Variants in PRKCH observed in about 807,000 individuals in gnomAD.
PRKCH encodes the protein protein kinase C eta, also known as protein kinase C eta type.
A neutral mutation model predicts 82.5 loss-of-function variants in PRKCH; 28 were observed. That is an observed-to-expected ratio of 0.34 (90% CI 0.25 to 0.47). The LOEUF is 0.47. Among genes scored for constraint, PRKCH ranks in the 20% least tolerant of loss-of-function variants. The pLI is 1.00. For missense variants in PRKCH, 705 were observed against 881.8 expected (o/e 0.80, Z 2.54); for synonymous variants, 322 against 327.4 (o/e 0.98, Z 0.18).
chr14:61,302,344 A>T (rs188448851), intron 1 of PRKCH, among the ~76,000 whole-genome samples: 18 of 152,322 alleles, frequency 1.2e-4, no homozygotes, highest in Non-Finnish European at 2.9e-5. Flanking sequence ...CAGGACTTAC[A>T]TGCCTTTCTT....
intron 1 of PRKCH, among the ~76,000 whole-genome samples, chr14:61,286,686 GAA>G (rs1566807610): frequency 1.3e-5 from 2 of 152,158 alleles, no homozygotes; most frequent in East Asian, 3.9e-4. Flanking sequence ...TGAGGCAGGA[GAA>G]TCGCTTGAAC....
chr14:61,386,029 G>A (rs1265912356), intron 1 of PRKCH, among the ~76,000 whole-genome samples: 1 of 152,196 alleles, frequency 6.6e-6, no homozygotes, highest in Admixed American at 6.5e-5. Context: ...AAATCACTAG[G>A]CAATAAGCTA....
intron 2 of PRKCH, among the ~76,000 whole-genome samples, chr14:61,436,473 C>A (rs1384891545): frequency 2.0e-5 from 3 of 152,082 alleles, no homozygotes; most frequent in Non-Finnish European, 4.4e-5. Context: ...AAGCTGTTTT[C>A]AAAAAACACA....
intron 1 of PRKCH, among the ~76,000 whole-genome samples, chr14:61,248,061 C>G (rs929720036): frequency 6.6e-6 from 1 of 152,144 alleles, no homozygotes; most frequent in Admixed American, 6.5e-5. Context: ...GAGTGTGTTT[C>G]TAAGAAATAG....
chr14:61,327,149 T>C (rs1435302258), intron 1 of PRKCH: 2 of 455,648 alleles, frequency 4.4e-6, no homozygotes, highest in Admixed American at 2.4e-5. Context: ...TCTGCAGCCC[T>C]GGAGGGCCTC....
chr14:61,478,636 C>T (rs570940164), intron 9 of PRKCH, among the ~76,000 whole-genome samples: 7 of 152,076 alleles, frequency 4.6e-5, no homozygotes, highest in South Asian at 2.1e-4. Flanking sequence ...TTTGGGAGGC[C>T]GAGGTAGGAT....
At chr14:61,523,732 G>A (rs981922921) in intron 10 of PRKCH, among the ~76,000 whole-genome samples, 2 of 152,180 alleles carry the variant, frequency 1.3e-5, no homozygotes, top group African/African-American at 4.8e-5. Context: ...CAGACAAATG[G>A]CAGTATGCTG....
chr14:61,267,805 G>T (rs770965886), intron 1 of PRKCH, among the ~76,000 whole-genome samples: 1 of 151,870 alleles, frequency 6.6e-6, no homozygotes, highest in Non-Finnish European at 1.5e-5. Context: ...TTAAGATGTC[G>T]AGAATCATAA....
chr14:61,392,278 A>G (rs2046695437), intron 2 of PRKCH, among the ~76,000 whole-genome samples: 1 of 152,168 alleles, frequency 6.6e-6, no homozygotes, highest in Non-Finnish European at 1.5e-5. Context: ...ATAATTATAT[A>G]GGAGTGGAAT....
At chr14:61,437,150 GT>G (rs1883717526) in intron 2 of PRKCH, among the ~76,000 whole-genome samples, 1 of 152,118 alleles carries the variant, frequency 6.6e-6, no homozygotes, top group East Asian at 1.9e-4. Flanking sequence ...GTAAATAGCC[GT>G]TTAGTTAAGT....
chr14:61,282,792 C>CT (rs369750556), intron 1 of PRKCH, among the ~76,000 whole-genome samples: 244 of 152,222 alleles, frequency 1.6e-3, no homozygotes, highest in African/African-American at 5.5e-3. Context: ...TTATAGAAGA[C>CT]TGAGGGAAAT....
At chr14:61,481,296 C>T (rs1022635177) in intron 9 of PRKCH, among the ~76,000 whole-genome samples, 6 of 152,162 alleles carry the variant, frequency 3.9e-5, no homozygotes, top group Non-Finnish European at 8.8e-5. Context: ...GTAAAGCCTG[C>T]GCACCAGGCT....
At chr14:61,468,829 A>G (rs1374314593) in intron 9 of PRKCH, among the ~76,000 whole-genome samples, 1 of 152,200 alleles carries the variant, frequency 6.6e-6, no homozygotes, top group Non-Finnish European at 1.5e-5. Flanking sequence ...AACACAACCC[A>G]GGTCACACTT....
chr14:61,497,979 A>C (rs181806961), intron 10 of PRKCH, among the ~76,000 whole-genome samples: 1 of 152,186 alleles, frequency 6.6e-6, no homozygotes, highest in Non-Finnish European at 1.5e-5. Flanking sequence ...TGTATTGAAC[A>C]AGTGTTGTCT....
chr14:61,513,844 C>T (rs961857673), intron 10 of PRKCH, among the ~76,000 whole-genome samples: 1 of 152,010 alleles, frequency 6.6e-6, no homozygotes, highest in Non-Finnish European at 1.5e-5. Flanking sequence ...AGTAGCATTG[C>T]CCTGGGCAGA....
chr14:61,386,203 T>C (rs2046584975), intron 1 of PRKCH, among the ~76,000 whole-genome samples: 1 of 152,168 alleles, frequency 6.6e-6, no homozygotes, highest in Admixed American at 6.5e-5. Flanking sequence ...GCAGCTGCAG[T>C]GGTGGGAAGA....
intron 1 of PRKCH, among the ~76,000 whole-genome samples, chr14:61,213,659 T>A (rs2044598360): frequency 6.6e-6 from 1 of 152,188 alleles, no homozygotes; most frequent in African/African-American, 2.4e-5. Context: ...AAAAATATCT[T>A]CTGGCCAAAG....
intron 1 of PRKCH, among the ~76,000 whole-genome samples, chr14:61,310,867 A>G (rs1342496356): frequency 6.6e-6 from 1 of 152,250 alleles, no homozygotes; most frequent in South Asian, 2.1e-4. Flanking sequence ...TCCAACCTCA[A>G]TTATTGACTT....
intron 1 of PRKCH, among the ~76,000 whole-genome samples, chr14:61,264,944 G>A (rs1455476331): frequency 3.3e-5 from 5 of 152,116 alleles, no homozygotes; most frequent in Non-Finnish European, 5.9e-5. Flanking sequence ...GGTGTGTTGG[G>A]CTGGGATTGA....
Sources: gnomAD v4.1 joint callset for allele counts (sites outside exome capture counted in the v4.1 genomes callset) on GRCh38, gnomAD v4.1.1 for gene constraint, MANE v1.5 for transcripts, NCBI Gene and HGNC (gene_info 2026-07-23, HGNC 2026-07-21) for gene names.